Variants in DDX10 observed in about 807,000 individuals in gnomAD.
DDX10 encodes the protein DEAD-box helicase 10.
In DDX10, 74 loss-of-function variants were observed where a neutral mutation model predicts 104.3. The observed-to-expected ratio is 0.71, with a 90% CI of 0.59 to 0.86. The LOEUF is 0.86. Ranked by LOEUF, DDX10 falls within the 40% of genes least tolerant of loss-of-function variation. The pLI, the probability that DDX10 is intolerant of heterozygous loss-of-function variation, is 0.00. For synonymous variants in DDX10, 351 were observed against 353.4 expected (o/e 0.99, Z 0.08); for missense variants, 952 against 1,040.0 (o/e 0.92, Z 1.16).
At chr11:108,774,714 A>G (rs2134531087) in intron 13 of DDX10, among the ~76,000 whole-genome samples, 1 of 152,310 alleles carries the variant, frequency 6.6e-6, no homozygotes, top group South Asian at 2.1e-4. Flanking sequence ...CCAGCCAAGA[A>G]GACTTTTCAG....
intron 16 of DDX10, among the ~76,000 whole-genome samples, chr11:108,871,303 G>A (rs1863079074): frequency 6.6e-6 from 1 of 152,220 alleles, no homozygotes; most frequent in African/African-American, 2.4e-5. Context: ...GCAAACCCAG[G>A]TATGATCACT....
At chr11:108,698,955 C>T (rs1565250929) in intron 9 of DDX10, among the ~76,000 whole-genome samples, 1 of 152,248 alleles carries the variant, frequency 6.6e-6, no homozygotes, top group Non-Finnish European at 1.5e-5. Context: ...CAAGTATCCA[C>T]ATGGCTGTCT....
intron 9 of DDX10, among the ~76,000 whole-genome samples, chr11:108,697,238 T>A (rs1324145108): frequency 6.6e-6 from 1 of 151,810 alleles, no homozygotes; most frequent in African/African-American, 2.4e-5. Context: ...TTTTTTTTTT[T>A]TTTTCTGGCA....
At chr11:108,769,117 T>A (rs1338752776) in intron 13 of DDX10, among the ~76,000 whole-genome samples, 1 of 152,138 alleles carries the variant, frequency 6.6e-6, no homozygotes, top group African/African-American at 2.4e-5. Context: ...TTTGTATACA[T>A]AGTCACTGAT....
In DDX10 at chr11:108,665,220, T is replaced by C; in HGVS notation, c.67T>C (p.Trp23Arg). The C allele has an allele frequency of 6.2e-7, 1 of 1,613,102 alleles. No homozygotes were observed. The highest frequency in any genetic ancestry group is 8.5e-7 in the Non-Finnish European group (1 of 1,179,688). The change falls in exon 1 of 18, where the codon TGG (tryptophan) becomes CGG (arginine). Residue 23 changes from tryptophan (W) to arginine (R), a missense_variant. Physicochemically the swap from Trp to Arg is moderately radical, Grantham distance 101. This residue lies in a region of DDX10 where 412 missense variants were observed against 479.2 expected (regional missense o/e 0.86). Coordinates refer to ENST00000322536, the MANE Select transcript of DDX10 (RefSeq NM_004398.4). ...RPDPVRSFNR[W>R]KKKHSHRQNK... ...CGACCCGGTGCGGAGCTTCAATCGC[T>C]GGAAGAAAAAACACAGCCATAGGCA...
chr11:108,743,584 G>A (rs1376784485), intron 13 of DDX10, among the ~76,000 whole-genome samples: 1 of 152,180 alleles, frequency 6.6e-6, no homozygotes, highest in South Asian at 2.1e-4. Flanking sequence ...TTTTATTTTA[G>A]AGTGAGTTCA....
chr11:108,837,698 C>CT (rs1862576017), intron 13 of DDX10, among the ~76,000 whole-genome samples: 1 of 135,714 alleles, frequency 7.4e-6, no homozygotes, highest in Admixed American at 8.3e-5. Context: ...TCTTCACTCA[C>CT]TGCAGCCTCC....
At chr11:108,679,242 T>C (rs1214574570) in intron 5 of DDX10, 129 bp from the exon 6 acceptor site, 1 of 750,962 alleles carries the variant, frequency 1.3e-6, no homozygotes, top group South Asian at 1.9e-5. Context: ...TTCCAGACTT[T>C]ATTCAGGTTT....
chr11:108,796,599 A>G (rs1861944503), intron 13 of DDX10, among the ~76,000 whole-genome samples: 1 of 152,202 alleles, frequency 6.6e-6, no homozygotes, highest in Non-Finnish European at 1.5e-5. Context: ...TGTTGTATAA[A>G]TATTTGAACT....
intron 16 of DDX10, among the ~76,000 whole-genome samples, chr11:108,903,405 T>C (rs538266747): frequency 2.0e-5 from 3 of 152,264 alleles, no homozygotes; most frequent in South Asian, 2.1e-4. Context: ...TTTCTTTTCA[T>C]TGATGGTACA....
chr11:108,811,109 T>G (rs1003224859), intron 13 of DDX10, among the ~76,000 whole-genome samples: 4 of 152,206 alleles, frequency 2.6e-5, no homozygotes, highest in Admixed American at 1.3e-4. Flanking sequence ...GGCCACTTGA[T>G]ACACTGTGTG....
chr11:108,911,781 C>T (rs996846245), intron 16 of DDX10, among the ~76,000 whole-genome samples: 8 of 151,830 alleles, frequency 5.3e-5, no homozygotes, highest in South Asian at 2.1e-4. Flanking sequence ...AGACTGATCT[C>T]GAACTTCTGA....
intron 16 of DDX10, among the ~76,000 whole-genome samples, chr11:108,868,966 C>CT (rs36048300): frequency 0.93 from 127,175 of 137,184 alleles, 59,464 homozygotes; most frequent in Non-Finnish European, 0.99. Flanking sequence ...AAGAATTAAG[C>CT]TTTTTTTTTT....
At chr11:108,789,121 G>A (rs1411128522) in intron 13 of DDX10, among the ~76,000 whole-genome samples, 1 of 152,202 alleles carries the variant, frequency 6.6e-6, no homozygotes, top group Admixed American at 6.5e-5. Context: ...GAGACCAAAG[G>A]AAGTTCTAAA....
intron 2 of DDX10, among the ~76,000 whole-genome samples, chr11:108,675,106 GT>G (rs1264213648): frequency 6.6e-6 from 1 of 151,860 alleles, no homozygotes; most frequent in Non-Finnish European, 1.5e-5. Flanking sequence ...GTGTGTGTGT[GT>G]GTGTGTGTGT....
In DDX10 at chr11:108,719,899, A is replaced by T; in HGVS notation, c.1499+14A>T. ...TGAATATGCCCTGTAAGTATTCATA[A>T]TATAGTTGTAATAGTGAATCCTCAA... On this transcript the variant is annotated intron_variant, in intron 12 of 17. Coordinates refer to ENST00000322536, the MANE Select transcript of DDX10 (RefSeq NM_004398.4). 7.2e-7 allele frequency: 1 copy of T among 1,396,106 alleles called. No individual in the cohort carries two copies. The highest frequency in any genetic ancestry group is 1.4e-5 in the African/African-American group (1 of 70,716). 86.5% of individuals were successfully genotyped at this position (1,396,106 alleles called of 1,614,324 possible).
chr11:108,880,678 C>G (rs960047570), intron 16 of DDX10, among the ~76,000 whole-genome samples: 1 of 152,078 alleles, frequency 6.6e-6, no homozygotes, highest in Admixed American at 6.5e-5. Context: ...CATCGTATAC[C>G]CTAGGGTTGC....
At chr11:108,714,870 A>G (rs1390413937) in intron 10 of DDX10, among the ~76,000 whole-genome samples, 2 of 152,070 alleles carry the variant, frequency 1.3e-5, no homozygotes, top group Admixed American at 6.5e-5. Flanking sequence ...TGACTTGGTA[A>G]TTGTTGAGGC....
chr11:108,679,282 T>G, intron 5 of DDX10, 89 bp from the exon 6 acceptor site: 1 of 1,119,550 alleles, frequency 8.9e-7, no homozygotes, highest in Non-Finnish European at 1.3e-6. Context: ...GTTCTTTTTC[T>G]GTTTTAGGAT....
Sources: allele counts gnomAD v4.1 joint callset (sites outside exome capture counted in the v4.1 genomes callset), GRCh38; gene constraint gnomAD v4.1.1; regional missense constraint gnomAD v4.1.1; transcripts MANE v1.5; gene names NCBI Gene and HGNC (gene_info 2026-07-23, HGNC 2026-07-21).